POLA1: variants seen among roughly 807,000 people sequenced by gnomAD.
The protein encoded by POLA1 is DNA polymerase alpha catalytic subunit.
POLA1 carries 15 observed loss-of-function variants against 124.0 expected under a neutral mutation model. The ratio of observed to expected loss-of-function variants is 0.12; its 90% CI spans 0.08 to 0.19. The LOEUF is 0.19. Among genes scored for constraint, POLA1 ranks in the 10% least tolerant of loss-of-function variants. The probability of loss-of-function intolerance (pLI) is 1.00; values close to 1 mark genes in which losing one functional copy is unlikely to be tolerated. For synonymous variants in POLA1, 408 were observed against 389.4 expected, an observed-to-expected ratio of 1.05 and a Z score of -0.56; for missense variants, 886 against 1,103.4, an observed-to-expected ratio of 0.80 and a Z score of 2.79.
At chrX:24,846,545 A>G (rs1302860018) in intron 34 of POLA1, among the ~76,000 whole-genome samples, 2 of 111,702 alleles carry the variant, frequency 1.8e-5, no homozygotes, top group African/African-American at 6.5e-5. Flanking sequence ...GGCAGCTTAA[A>G]GACAATAACT....
At chrX:24,796,137 G>T (rs1432721502) in intron 26 of POLA1, among the ~76,000 whole-genome samples, 1 of 110,549 alleles carries the variant, frequency 9.0e-6, no homozygotes, top group Admixed American at 9.6e-5. Flanking sequence ...GGTGTAGAGG[G>T]CTCTAGGAGG....
At chrX:24,775,367 A>G (rs1332425751) in intron 26 of POLA1, 3 of 112,066 alleles carry the variant, frequency 2.7e-5, no homozygotes, top group Non-Finnish European at 5.6e-5. Flanking sequence ...GTGGGTTAAT[A>G]TGTTTTAGAG....
intron 26 of POLA1, among the ~76,000 whole-genome samples, chrX:24,774,384 T>C (rs1024856760): frequency 4.5e-5 from 5 of 111,734 alleles, no homozygotes; most frequent in African/African-American, 1.6e-4. Flanking sequence ...TACAAGAAAA[T>C]AGAAGATTGT....
chrX:24,949,720 C>A (rs1330328815), intron 36 of POLA1, among the ~76,000 whole-genome samples: 1 of 104,317 alleles, frequency 9.6e-6, no homozygotes, highest in Non-Finnish European at 2.0e-5. Flanking sequence ...TTTTCTTTTT[C>A]TTTTTTTCTC....
intron 36 of POLA1, among the ~76,000 whole-genome samples, chrX:24,968,595 C>G (rs373168396): frequency 2.8e-5 from 3 of 106,530 alleles, no homozygotes; most frequent in Non-Finnish European, 5.8e-5. Context: ...CCCAGCTACT[C>G]GGGAGGCTGA....
chrX:24,835,376 A>G (rs2046328475), intron 32 of POLA1, among the ~76,000 whole-genome samples: 1 of 111,298 alleles, frequency 9.0e-6, no homozygotes, highest in Non-Finnish European at 1.9e-5. Flanking sequence ...AAAAGAAAAG[A>G]TTCCCCTTTT....
intron 26 of POLA1, among the ~76,000 whole-genome samples, chrX:24,782,746 T>A (rs914414809): frequency 2.2e-4 from 25 of 111,707 alleles, no homozygotes; most frequent in African/African-American, 8.1e-4. Flanking sequence ...GACTTCTGTT[T>A]TTTTATATGA....
chrX:24,812,006 A>T (rs999170984), intron 28 of POLA1, among the ~76,000 whole-genome samples: 9 of 112,379 alleles, frequency 8.0e-5, no homozygotes, highest in African/African-American at 2.3e-4. Flanking sequence ...ACAACTTCCT[A>T]TCTTTCCCTC....
chrX:24,940,083 A>G (rs1415047960), intron 36 of POLA1, among the ~76,000 whole-genome samples: 2 of 111,978 alleles, frequency 1.8e-5, no homozygotes, highest in Non-Finnish European at 3.8e-5. Flanking sequence ...TCAAGAGAGC[A>G]TACTCCTTTC....
At chrX:24,784,782 T>C (rs2045333033) in intron 26 of POLA1, among the ~76,000 whole-genome samples, 5 of 112,368 alleles carry the variant, frequency 4.4e-5, no homozygotes, top group Admixed American at 1.9e-4. Context: ...GGAATTGAAG[T>C]AGACACTAAT....
intron 36 of POLA1, among the ~76,000 whole-genome samples, chrX:24,963,958 G>C (rs922976989): frequency 9.0e-6 from 1 of 111,325 alleles, no homozygotes; most frequent in African/African-American, 3.3e-5. Context: ...TTGTGCTGCC[G>C]TTACTCTTAA....
At chrX:24,952,332 C>T (rs1490167293) in intron 36 of POLA1, among the ~76,000 whole-genome samples, 4 of 111,880 alleles carry the variant, frequency 3.6e-5, no homozygotes, top group Admixed American at 9.5e-5. Context: ...TAACTAATTC[C>T]CCAAATCTGT....
chrX:24,861,825 G>A (rs1358001437), intron 34 of POLA1, among the ~76,000 whole-genome samples: 2 of 112,086 alleles, frequency 1.8e-5, no homozygotes, highest in Admixed American at 9.5e-5. Flanking sequence ...TTATGAAAAC[G>A]GGTTCTAAGC....
At chrX:24,968,499 A>G (rs1178274971) in intron 36 of POLA1, among the ~76,000 whole-genome samples, 2 of 110,801 alleles carry the variant, frequency 1.8e-5, no homozygotes, top group Non-Finnish European at 3.8e-5. Flanking sequence ...GGAGATTGAG[A>G]CCATCCTGGC....
At chrX:24,775,940 G>C (rs756917178) in intron 26 of POLA1, among the ~76,000 whole-genome samples, 3 of 111,842 alleles carry the variant, frequency 2.7e-5, no homozygotes, top group Non-Finnish European at 5.6e-5. Context: ...CCTGAATCAG[G>C]GTTGATGTAA....
rs777598418 is a variant in POLA1, at chrX:24,849,872, C to T, written c.4047+6195C>T. Among the ~76,000 whole-genome samples, 12 of 111,243 alleles carry T rather than the reference C, an allele frequency of 1.1e-4. No individual in the cohort carries two copies. The South Asian group carries it at 1.1e-3, about 11-fold the overall frequency. ...GTCTCAATCTCCTGACCTCGTGATT[C>T]GCCTGCCTCGGCCTCCCAAAGTGCT... On this transcript the variant is annotated intron_variant, in intron 34 of 36. Coordinates refer to ENST00000379068, the MANE Select transcript of POLA1 (RefSeq NM_001330360.2).
At chrX:24,757,104 A>G (rs1932645251) in intron 26 of POLA1, among the ~76,000 whole-genome samples, 1 of 111,777 alleles carries the variant, frequency 8.9e-6, no homozygotes, top group Non-Finnish European at 1.9e-5. Context: ...ATCCTTTGTT[A>G]GTGATCATGA....
intron 35 of POLA1, among the ~76,000 whole-genome samples, chrX:24,917,554 A>G (rs2047552654): frequency 8.9e-6 from 1 of 112,082 alleles, no homozygotes; most frequent in Non-Finnish European, 1.9e-5. Context: ...CAAGACCTCT[A>G]CCGTGATTCA....
At position 24,801,721 on chromosome X, in the gene POLA1, G is replaced by A. The variant is rs756309729; in HGVS notation, c.2965-8177G>A. ...CCATACAAAACAAAGTACATACATC[G>A]TTAAATTTAATGCTCACAGTAGCCC... On this transcript the variant is annotated intron_variant, in intron 26 of 36. Coordinates refer to ENST00000379068, the MANE Select transcript of POLA1 (RefSeq NM_001330360.2). 3.6e-5 allele frequency among the ~76,000 whole-genome samples: 4 copies of A among 111,337 alleles called. No homozygotes were observed. The South Asian group carries it at 1.5e-3, about 43-fold the overall frequency.
Sources: gnomAD v4.1 joint callset for allele counts (sites outside exome capture counted in the v4.1 genomes callset) on GRCh38, gnomAD v4.1.1 for gene constraint, MANE v1.5 for transcripts, NCBI Gene and HGNC (gene_info 2026-07-23, HGNC 2026-07-21) for gene names.